Variants in GREB1 observed in about 807,000 individuals in gnomAD.
GREB1 encodes growth regulating estrogen receptor binding 1.
Under a neutral mutation model 200.7 loss-of-function variants are expected in GREB1, and 106 were observed. The ratio of observed to expected loss-of-function variants is 0.53; its 90% CI spans 0.45 to 0.62. GREB1 has a LOEUF of 0.62. GREB1 is among the 20% of genes least tolerant of loss of function. GREB1 has a pLI of 0.00. For missense variants in GREB1, 2,243 were observed against 2,556.8 expected (o/e 0.88, Z 2.65); for synonymous variants, 1,132 against 1,092.4 (o/e 1.04, Z -0.72).
intron 1 of GREB1, among the ~76,000 whole-genome samples, chr2:11,542,248 G>A (rs1025117182): frequency 1.3e-5 from 2 of 152,114 alleles, no homozygotes; most frequent in Non-Finnish European, 2.9e-5. Flanking sequence ...CTTCTCACAG[G>A]GCAGGCATAG....
At chr2:11,575,404 G>A (rs1315951403) in intron 4 of GREB1, among the ~76,000 whole-genome samples, 1 of 152,220 alleles carries the variant, frequency 6.6e-6, no homozygotes, top group Non-Finnish European at 1.5e-5. Context: ...TACAGTGTAT[G>A]AAGGTCTTTT....
chr2:11,532,976 G>A (rs931197537), upstream of GREB1, among the ~76,000 whole-genome samples: 3 of 152,148 alleles, frequency 2.0e-5, no homozygotes, highest in Admixed American at 6.5e-5. Context: ...CTGAGGCTCT[G>A]GGAAGTTAAG....
chr2:11,545,238 G>A (rs553292876), intron 1 of GREB1, among the ~76,000 whole-genome samples: 51 of 152,138 alleles, frequency 3.4e-4, no homozygotes, highest in Middle Eastern at 3.4e-3. Context: ...AGGTTCAAGC[G>A]ATTCTCCTGC....
intron 1 of GREB1, among the ~76,000 whole-genome samples, chr2:11,519,262 T>C (rs1673621994): frequency 6.6e-6 from 1 of 152,098 alleles, no homozygotes; most frequent in African/African-American, 2.4e-5. Flanking sequence ...ATACTGTTGG[T>C]AATAAGGGCT....
At chr2:11,610,020 G>C (rs1682775973) in intron 17 of GREB1, among the ~76,000 whole-genome samples, 1 of 152,186 alleles carries the variant, frequency 6.6e-6, no homozygotes, top group Admixed American at 6.5e-5. Context: ...CCTGGGGTCT[G>C]TGTGACTAAC....
chr2:11,520,119 C>T (rs958517019), intron 1 of GREB1, among the ~76,000 whole-genome samples: 1 of 152,140 alleles, frequency 6.6e-6, no homozygotes, highest in African/African-American at 2.4e-5. Context: ...ATCTGGGAGA[C>T]AGAGTGAGAC....
chr2:11,507,238 ATC>A (rs1204765568), intron 1 of GREB1, among the ~76,000 whole-genome samples: 1 of 152,082 alleles, frequency 6.6e-6, no homozygotes, highest in Non-Finnish European at 1.5e-5. Context: ...GCGAAACCCC[ATC>A]TCTACTAAAA....
chr2:11,573,060 C>A (rs1678471733), intron 4 of GREB1, among the ~76,000 whole-genome samples: 1 of 152,142 alleles, frequency 6.6e-6, no homozygotes, highest in Non-Finnish European at 1.5e-5. Flanking sequence ...AAGCAAAGCT[C>A]AGAGGTGTTA....
At chr2:11,488,329 A>C (rs1275872178) in intron 1 of GREB1, among the ~76,000 whole-genome samples, 6 of 152,168 alleles carry the variant, frequency 3.9e-5, no homozygotes, top group Admixed American at 2.0e-4. Context: ...AAATAAAAAC[A>C]ACAGAGACGA....
intron 1 of GREB1, among the ~76,000 whole-genome samples, chr2:11,488,627 T>C (rs1033396524): frequency 2.6e-5 from 4 of 151,678 alleles, no homozygotes; most frequent in Non-Finnish European, 4.4e-5. Context: ...TCTGTCTCTA[T>C]TAAAAATGTA....
intron 1 of GREB1, chr2:11,540,766 C>T (rs1212652464): frequency 5.4e-5 from 5 of 91,762 alleles, no homozygotes; most frequent in Non-Finnish European, 1.5e-4. Context: ...GCTGGGAGGA[C>T]CGTCAAAGAG....
intron 29 of GREB1, 135 bp downstream of exon 29, chr2:11,634,484 T>A: frequency 1.6e-6 from 1 of 640,602 alleles, no homozygotes; most frequent in East Asian, 2.7e-5. Context: ...TCCCAGTTTT[T>A]TTAGTGCTGA....
intron 1 of GREB1, among the ~76,000 whole-genome samples, chr2:11,523,363 C>T (rs1056628788): frequency 2.6e-5 from 4 of 152,048 alleles, no homozygotes; most frequent in Non-Finnish European, 5.9e-5. Flanking sequence ...AACCTGCACA[C>T]GCACCCTAAA....
In GREB1 at chr2:11,640,209, T is replaced by C. The variant is rs550235795; in HGVS notation, c.5687-82T>C. On this transcript the variant is annotated intron_variant, in intron 32 of 32. Coordinates refer to ENST00000381486, the MANE Select transcript of GREB1 (RefSeq NM_014668.4). This position sits in a 1 kb window ranked among gnomAD's most constrained non-coding sequence, Gnocchi z 4.6. ...TTCCCAACAGCGCCCTGTCTTGTCATTGCAAGTAGAATCCGGGCAGCCGCT... is the reference window on the plus strand; with the variant it reads ...TTCCCAACAGCGCCCTGTCTTGTCACTGCAAGTAGAATCCGGGCAGCCGCT... 17 of 1,392,866 alleles carry C rather than the reference T, an allele frequency of 1.2e-5. 1 individual carries two copies. In the South Asian group the frequency reaches 2.3e-4, roughly 19 times the overall value. 86.3% of individuals were successfully genotyped at this position (1,392,866 alleles called of 1,614,324 possible). A position where few individuals can be genotyped will look rare whatever the true frequency, so the allele number is the denominator to read the frequency against.
upstream of GREB1, among the ~76,000 whole-genome samples, chr2:11,530,603 T>C (rs1317573990): frequency 6.8e-6 from 1 of 146,466 alleles, no homozygotes; most frequent in African/African-American, 2.6e-5. Flanking sequence ...TACAATTAAA[T>C]CCATCATGTT....
chr2:11,560,070 A>T (rs1676843533), intron 2 of GREB1, among the ~76,000 whole-genome samples: 1 of 151,596 alleles, frequency 6.6e-6, no homozygotes, highest in Non-Finnish European at 1.5e-5. Context: ...CACATCTGGA[A>T]CTCCCGTGCA....
intron 1 of GREB1, among the ~76,000 whole-genome samples, chr2:11,518,757 A>AG (rs1378034840): frequency 1.3e-5 from 2 of 151,798 alleles, no homozygotes; most frequent in African/African-American, 4.9e-5. Flanking sequence ...CAAAAAAAAA[A>AG]AAAAGAAAAA....
rs138829156 is a variant in GREB1, at chr2:11,528,356, G to A, written c.-158-28101G>A. Among the ~76,000 whole-genome samples the A allele has an allele frequency of 5.3e-3, 811 of 152,326 alleles. 4 individuals carry two copies. Among genetic ancestry groups the A allele is most frequent in the Middle Eastern group, 0.031 (9 of 294 alleles). ...TACACTGCAAATACCCTCGTTGAAA[G>A]TAGCAGAATTATTTACTCCGATCAA... is the stretch of plus-strand genomic sequence containing the variant. On this transcript the variant is annotated intron_variant, in intron 1 of 2. Transcript: ENST00000628795.
rs762504357 is a variant in GREB1 at position 11,640,037 on chromosome 2, C to A, written c.5687-254C>A. ...CCAGCCTCTCTCCTTCCTCTCCGCA[C>A]CTCGGTTCAGTCCCTGCTCGGCTTT... On this transcript the variant is annotated intron_variant, in intron 32 of 32. Transcript: ENST00000381486. This position sits in a 1 kb window ranked among gnomAD's most constrained non-coding sequence, Gnocchi z 4.6. Among the ~76,000 whole-genome samples the A allele has an allele frequency of 6.6e-6, 1 of 152,148 alleles. No homozygotes were observed. The highest frequency in any genetic ancestry group is 1.5e-5 in the Non-Finnish European group (1 of 68,020).
Sources: allele counts gnomAD v4.1 joint callset (sites outside exome capture counted in the v4.1 genomes callset), GRCh38; gene constraint gnomAD v4.1.1; non-coding constraint Gnocchi (gnomAD v3.1); transcripts MANE v1.5; gene names NCBI Gene and HGNC (gene_info 2026-07-23, HGNC 2026-07-21).